The following SPIDR variants were observed in gnomAD, a reference collection of about 807,000 sequenced individuals.
SPIDR encodes scaffold protein involved in DNA repair.
SPIDR carries 93 observed loss-of-function variants against 104.6 expected under a neutral mutation model. The ratio of observed to expected loss-of-function variants is 0.89; its 90% CI spans 0.75 to 1.06. The LOEUF (loss-of-function observed/expected upper bound fraction) is 1.06. SPIDR is among the 50% of genes least tolerant of loss of function. SPIDR has a pLI of 0.00. For synonymous variants in SPIDR, 431 were observed against 416.9 expected (o/e 1.03, Z -0.41); for missense variants, 1,154 against 1,111.2 (o/e 1.04, Z -0.55).
intron 5 of SPIDR, among the ~76,000 whole-genome samples, chr8:47,304,572 C>T (rs1261443483): frequency 2.6e-5 from 4 of 152,080 alleles, no homozygotes; most frequent in Admixed American, 2.0e-4. Flanking sequence ...CTTGCTTTCA[C>T]CATGTGAAGT....
At chr8:47,455,733 T>G (rs1352442583) in intron 8 of SPIDR, among the ~76,000 whole-genome samples, 1 of 152,140 alleles carries the variant, frequency 6.6e-6, no homozygotes, top group Non-Finnish European at 1.5e-5. Flanking sequence ...ATTGACTTGT[T>G]AAATCTAAAA....
intron 8 of SPIDR, among the ~76,000 whole-genome samples, chr8:47,581,526 TC>T (rs986820226): frequency 1.3e-5 from 2 of 152,098 alleles, no homozygotes; most frequent in Non-Finnish European, 2.9e-5. Context: ...ACAGTATCTC[TC>T]CCTGTATAAG....
intron 5 of SPIDR, among the ~76,000 whole-genome samples, chr8:47,309,727 C>T (rs1449411233): frequency 6.6e-6 from 1 of 152,140 alleles, no homozygotes; most frequent in African/African-American, 2.4e-5. Flanking sequence ...AATATTGTTA[C>T]AACTGTGTAA....
chr8:47,734,537 AGAG>A (rs907962229), intron 19 of SPIDR, among the ~76,000 whole-genome samples: 2 of 152,172 alleles, frequency 1.3e-5, no homozygotes, highest in African/African-American at 2.4e-5. Flanking sequence ...TGCCTTGCAC[AGAG>A]GAGGAGTGTG....
chr8:47,318,205 A>T (rs972084873), intron 5 of SPIDR, among the ~76,000 whole-genome samples: 31 of 152,306 alleles, frequency 2.0e-4, no homozygotes, highest in African/African-American at 7.5e-4. Context: ...GAAAAAAACG[A>T]GACAAATGGC....
chr8:47,527,613 G>A (rs953026924), intron 8 of SPIDR: 3 of 152,230 alleles, frequency 2.0e-5, no homozygotes, highest in Admixed American at 6.5e-5. Flanking sequence ...AAACAATAAA[G>A]ACGGCCCATC....
At chr8:47,426,887 C>T (rs2066498954) in intron 7 of SPIDR, among the ~76,000 whole-genome samples, 1 of 152,136 alleles carries the variant, frequency 6.6e-6, no homozygotes, top group Non-Finnish European at 1.5e-5. Flanking sequence ...ATTAAGCTTC[C>T]AGCACATTAA....
chr8:47,550,858 G>A lies in SPIDR; in HGVS notation c.1098-44953G>A, dbSNP rs181336116. On this transcript the variant is annotated intron_variant, in intron 8 of 19. Transcript: ENST00000297423. ...CCCTGTCTTGTGCCGGTTTTCAAAAGGAATGCTTCCAGCTTTTGCCCATTC... is the reference window on the plus strand; with the variant it reads ...CCCTGTCTTGTGCCGGTTTTCAAAAAGAATGCTTCCAGCTTTTGCCCATTC... Among the ~76,000 whole-genome samples, 881 of 151,276 alleles carry A rather than the reference G, an allele frequency of 5.8e-3. 5 individuals are homozygous for A. The highest frequency in any genetic ancestry group is 0.027 in the Middle Eastern group (8 of 294).
At chr8:47,699,459 G>A (rs912256085) in intron 11 of SPIDR, among the ~76,000 whole-genome samples, 3 of 152,202 alleles carry the variant, frequency 2.0e-5, no homozygotes, top group Non-Finnish European at 4.4e-5. Flanking sequence ...AAAGGTTAGA[G>A]CCAGGTCTCG....
intron 10 of SPIDR, among the ~76,000 whole-genome samples, chr8:47,656,409 T>A (rs1478334358): frequency 6.6e-6 from 1 of 152,094 alleles, no homozygotes; most frequent in Non-Finnish European, 1.5e-5. Flanking sequence ...CACATGATGA[T>A]CAACATCATT....
chr8:47,362,449 G>A (rs1468146002), intron 5 of SPIDR, among the ~76,000 whole-genome samples: 1 of 152,148 alleles, frequency 6.6e-6, no homozygotes, highest in Non-Finnish European at 1.5e-5. Flanking sequence ...GTCATCTCCA[G>A]CATTTCCTCC....
chr8:47,469,886 A>G (rs1438023460), intron 8 of SPIDR, among the ~76,000 whole-genome samples: 1 of 152,222 alleles, frequency 6.6e-6, no homozygotes, highest in Non-Finnish European at 1.5e-5. Context: ...GAAAACTACA[A>G]AACATTGCTG....
intron 5 of SPIDR, among the ~76,000 whole-genome samples, chr8:47,297,982 A>C (rs955729760): frequency 1.5e-4 from 23 of 152,282 alleles, no homozygotes; most frequent in African/African-American, 5.1e-4. Context: ...CAGTAATGGG[A>C]TGGCTGGGTC....
chr8:47,517,193 C>T (rs918425192), intron 8 of SPIDR, among the ~76,000 whole-genome samples: 3 of 152,106 alleles, frequency 2.0e-5, no homozygotes, highest in Admixed American at 6.5e-5. Context: ...CCCAAGTTGG[C>T]CAGGCTAGTC....
intron 5 of SPIDR, among the ~76,000 whole-genome samples, chr8:47,363,199 CTTTTTT>C (rs34705214): frequency 4.0e-4 from 32 of 79,712 alleles, no homozygotes; most frequent in African/African-American, 1.5e-3. Context: ...CTTTATCTCT[CTTTTTT>C]TTTTTTTTTT....
At chr8:47,410,353 G>A (rs943177029) in intron 7 of SPIDR, among the ~76,000 whole-genome samples, 1 of 151,654 alleles carries the variant, frequency 6.6e-6, no homozygotes, top group East Asian at 2.0e-4. Flanking sequence ...GCTAATTTTT[G>A]TATTTTTAGT....
intron 5 of SPIDR, among the ~76,000 whole-genome samples, chr8:47,309,516 C>T (rs1362554632): frequency 1.3e-5 from 2 of 152,172 alleles, no homozygotes; most frequent in African/African-American, 2.4e-5. Flanking sequence ...TCTTGTATAG[C>T]TGAACTTTAG....
chr8:47,404,310 A>C (rs1554665829), intron 6 of SPIDR, among the ~76,000 whole-genome samples: 1 of 152,248 alleles, frequency 6.6e-6, no homozygotes, highest in African/African-American at 2.4e-5. Context: ...TATGTCTAAA[A>C]CACCAAAAGC....
intron 7 of SPIDR, among the ~76,000 whole-genome samples, chr8:47,434,483 A>T (rs900644892): frequency 3.3e-5 from 5 of 152,232 alleles, no homozygotes; most frequent in Non-Finnish European, 7.3e-5. Context: ...CTGAAGATAA[A>T]GAGAGACAGA....
Sources: gnomAD v4.1 joint callset for allele counts (sites outside exome capture counted in the v4.1 genomes callset) on GRCh38, gnomAD v4.1.1 for gene constraint, MANE v1.5 for transcripts, NCBI Gene and HGNC (gene_info 2026-07-23, HGNC 2026-07-21) for gene names.